TMEM131L: variants seen among roughly 807,000 people sequenced by gnomAD.
TMEM131L encodes transmembrane protein 131-like.
In TMEM131L, 54 loss-of-function variants were observed where a neutral mutation model predicts 192.2. That is an observed-to-expected ratio of 0.28 (90% CI 0.23 to 0.35). The LOEUF (loss-of-function observed/expected upper bound fraction) is 0.35. TMEM131L is among the 10% of genes least tolerant of loss of function. TMEM131L has a pLI of 1.00. For synonymous variants in TMEM131L, 701 were observed against 704.9 expected, an observed-to-expected ratio of 0.99 and a Z score of 0.09; for missense variants, 1,888 against 1,972.9, an observed-to-expected ratio of 0.96 and a Z score of 0.82.
chr4:153,561,964 A>G (rs1485983724), intron 7 of TMEM131L, among the ~76,000 whole-genome samples: 6 of 64,004 alleles, frequency 9.4e-5, no homozygotes, highest in Admixed American at 3.6e-4. Flanking sequence ...TCTGAATATC[A>G]AAAAAAAAAA....
intron 21 of TMEM131L, 101 bp downstream of exon 21, chr4:153,598,833 T>G: frequency 1.0e-6 from 1 of 996,492 alleles, no homozygotes; most frequent in Non-Finnish European, 1.3e-6. Context: ...AAATTTTAAA[T>G]TTTTAAATTC....
rs553526193 is a variant in TMEM131L at position 153,474,172 on chromosome 4, A to T, written c.239+284A>T. ...CCCTCCCTCTTGTTTATAAACATCT[A>T]TTGAGTGCCAGGCACCGTGCTGGGT... is the stretch of plus-strand genomic sequence containing the variant. On this transcript the variant is annotated intron_variant, in intron 3 of 34. Transcript: ENST00000409959. Among the ~76,000 whole-genome samples the T allele has an allele frequency of 3.5e-4, 53 of 152,284 alleles. No homozygotes were observed. The South Asian group carries it at 0.011, about 30-fold the overall frequency.
intron 5 of TMEM131L, 136 bp downstream of exon 5, chr4:153,556,046 T>C (rs912877549): frequency 1.2e-6 from 1 of 814,166 alleles, no homozygotes; most frequent in African/African-American, 1.8e-5. Flanking sequence ...CTTCTGTGTG[T>C]TTACCTTAGC....
chr4:153,548,135 CG>C (rs1737332316), intron 3 of TMEM131L, among the ~76,000 whole-genome samples: 2 of 152,090 alleles, frequency 1.3e-5, no homozygotes, highest in African/African-American at 4.8e-5. Context: ...TGGTTCTTCA[CG>C]TCGTTTCCGG....
chr4:153,554,270 G>A (rs935327444), intron 4 of TMEM131L: 24 of 152,284 alleles, frequency 1.6e-4, no homozygotes, highest in African/African-American at 5.5e-4. Context: ...GTGTATGGTA[G>A]TGTTGAACAT....
At chr4:153,506,065 G>A (rs1034886181) in intron 3 of TMEM131L, among the ~76,000 whole-genome samples, 1 of 152,156 alleles carries the variant, frequency 6.6e-6, no homozygotes, top group Non-Finnish European at 1.5e-5. Context: ...GTATAATTGC[G>A]CTGTGAAGGT....
intron 2 of TMEM131L, among the ~76,000 whole-genome samples, chr4:153,470,928 G>T (rs1731111270): frequency 6.6e-6 from 1 of 152,156 alleles, no homozygotes; most frequent in African/African-American, 2.4e-5. Flanking sequence ...CCCTGCAGTG[G>T]CATTGTCATC....
At chr4:153,472,008 AT>A (rs1303827423) in intron 2 of TMEM131L, among the ~76,000 whole-genome samples, 3 of 152,192 alleles carry the variant, frequency 2.0e-5, no homozygotes, top group African/African-American at 7.2e-5. Context: ...CCAGTGAATC[AT>A]TGACCAGTAT....
intron 3 of TMEM131L, among the ~76,000 whole-genome samples, chr4:153,517,545 C>G (rs142977384): frequency 6.6e-6 from 1 of 152,170 alleles, no homozygotes; most frequent in Non-Finnish European, 1.5e-5. Context: ...TGGATCTGCC[C>G]TGCCTGGGAC....
At chr4:153,522,657 C>T (rs62324711) in intron 3 of TMEM131L, among the ~76,000 whole-genome samples, 1 of 152,156 alleles carries the variant, frequency 6.6e-6, no homozygotes, top group Non-Finnish European at 1.5e-5. Flanking sequence ...TATTTTTTAT[C>T]CCCAGCACCT....
chr4:153,584,878 A>G lies in TMEM131L; in HGVS notation c.1104A>G (p.Lys368=), dbSNP rs761679938. The G allele has an allele frequency of 6.2e-7, 1 of 1,614,188 alleles. No homozygotes were observed. The highest frequency in any genetic ancestry group is 8.5e-7 in the Non-Finnish European group (1 of 1,180,002). The change falls in exon 12 of 35, where the codon AAA becomes AAG. Residue 368 remains lysine, a synonymous_variant. Transcript: ENST00000409959. ...CDSGIIEDVK[K]TTHTPTLKAC... ...GTGGAATTATAGAAGATGTGAAGAA[A>G]ACAACACACACTCCAACACTAAAAG... is the stretch of plus-strand genomic sequence containing the variant.
At chr4:153,624,369 T>C (rs1001692864) in intron 29 of TMEM131L, among the ~76,000 whole-genome samples, 4 of 152,244 alleles carry the variant, frequency 2.6e-5, no homozygotes, top group Admixed American at 6.5e-5. Flanking sequence ...TCTGCCCGCC[T>C]TGGCCTCCCA....
intron 1 of TMEM131L, 118 bp downstream of exon 1, chr4:153,466,639 G>T: frequency 9.8e-7 from 1 of 1,022,950 alleles, no homozygotes; most frequent in Non-Finnish European, 1.2e-6. Flanking sequence ...GGCAGGAGGA[G>T]GAAGGAAAGC....
Position 153,602,670 on chromosome 4 carries a change from T to A in TMEM131L, c.2582T>A (p.Val861Glu). The A allele has an allele frequency of 6.2e-7, 1 of 1,614,102 alleles. No homozygotes were observed. The highest frequency in any genetic ancestry group is 2.2e-5 in the East Asian group (1 of 44,880). The change falls in exon 23 of 35, where the codon GTG (valine) becomes GAG (glutamate). Residue 861 changes from valine (V) to glutamate (E), a missense_variant. Physicochemically the swap from Val to Glu is moderately radical, Grantham distance 121. Coordinates refer to ENST00000409959, the MANE Select transcript of TMEM131L (RefSeq NM_001131007.2). Reference protein sequence around the residue: ...PHHLLPLCADVVPGPSWEESF... With the variant: ...PHHLLPLCADEVPGPSWEESF... ...CACCTGTTGCCCTTGTGTGCAGACG[T>A]GGTTCCAGGACCCAGCTGGGAGGAG...
At chr4:153,492,209 C>G (rs1176610061) in intron 3 of TMEM131L, among the ~76,000 whole-genome samples, 1 of 151,948 alleles carries the variant, frequency 6.6e-6, no homozygotes, top group African/African-American at 2.4e-5. Context: ...AGATGGAGGT[C>G]TCACTATGTT....
chr4:153,595,333 G>T (rs912070886), intron 19 of TMEM131L, among the ~76,000 whole-genome samples: 2 of 152,088 alleles, frequency 1.3e-5, no homozygotes, highest in African/African-American at 4.8e-5. Flanking sequence ...TTTAATAGAG[G>T]TGCTGTTTTT....
In TMEM131L at chr4:153,623,174, G is replaced by A. The variant is rs75791396; in HGVS notation, c.4045+91G>A. The A allele has an allele frequency of 8.6e-3, 10,231 of 1,195,298 alleles. 296 individuals carry two copies. The African/African-American group carries it at 0.09, about 10-fold the overall frequency. The allele number at this position is 1,195,298 out of a possible 1,614,324, so 74.0% of individuals were successfully genotyped here. The stretch of plus-strand genomic sequence containing the variant: ...TCCACACAGTCTCGATCTGCCTTCA[G>A]GAGTGCAGAGGACAGATGGGACAGT... On this transcript the variant is annotated intron_variant, in intron 29 of 34. Coordinates refer to ENST00000409959, the MANE Select transcript of TMEM131L (RefSeq NM_001131007.2).
At chr4:153,513,893 C>T (rs758921267) in intron 3 of TMEM131L, among the ~76,000 whole-genome samples, 3 of 152,138 alleles carry the variant, frequency 2.0e-5, no homozygotes, top group Non-Finnish European at 4.4e-5. Flanking sequence ...CATTCTTTGT[C>T]ATGCTGAGAC....
intron 7 of TMEM131L, among the ~76,000 whole-genome samples, chr4:153,566,279 G>A (rs1374326527): frequency 6.6e-6 from 1 of 152,016 alleles, no homozygotes; most frequent in Non-Finnish European, 1.5e-5. Flanking sequence ...GGGACCACAG[G>A]CGCCCGCAAG....
Sources: allele counts gnomAD v4.1 joint callset (sites outside exome capture counted in the v4.1 genomes callset), GRCh38; gene constraint gnomAD v4.1.1; transcripts MANE v1.5; gene names NCBI Gene and HGNC (gene_info 2026-07-23, HGNC 2026-07-21).